AOX1: variants seen among roughly 807,000 people sequenced by gnomAD.
AOX1 encodes aldehyde oxidase.
AOX1 carries 153 observed loss-of-function variants against 169.5 expected under a neutral mutation model. The observed-to-expected ratio is 0.90, with a 90% CI of 0.79 to 1.03. AOX1 has a LOEUF of 1.03. AOX1 is among the 50% of genes least tolerant of loss of function. AOX1 has a pLI of 0.00. For missense variants in AOX1, 1,656 were observed against 1,663.9 expected (o/e 1.00, Z 0.08); for synonymous variants, 562 against 581.9 (o/e 0.97, Z 0.49).
intron 20 of AOX1, among the ~76,000 whole-genome samples, chr2:200,629,120 G>T (rs1420032315): frequency 6.6e-6 from 1 of 152,122 alleles, no homozygotes; most frequent in African/African-American, 2.4e-5. Context: ...CTCTATAGGT[G>T]CATTAAACTT....
Position 200,620,815 on chromosome 2 carries a change from A to G in AOX1, c.1870A>G (p.Ile624Val). 1 of 1,594,130 alleles carries G rather than the reference A, an allele frequency of 6.3e-7. No individual in the cohort carries two copies. The highest frequency in any genetic ancestry group is 8.5e-7 in the Non-Finnish European group (1 of 1,175,152). The change falls in exon 17 of 35, where the codon ATT becomes GTT. Residue 624 changes from isoleucine to valine, a missense_variant. By Grantham distance (29) the Ile-to-Val change is conservative. Transcript: ENST00000374700. ...FVTSSRAHAK[I>V]VSIDLSEALS... ...GACTAGTTCAAGAGCTCATGCTAAG[A>G]TTGTGTAAGTGGTAAAATTCTTACT...
At chr2:200,639,690 A>G (rs1358162262) in intron 23 of AOX1, among the ~76,000 whole-genome samples, 1 of 152,166 alleles carries the variant, frequency 6.6e-6, no homozygotes, top group Non-Finnish European at 1.5e-5. Flanking sequence ...AGAGATGAAT[A>G]TGAATTGGAA....
chr2:200,676,806 G>A, intron 4 of AOX1: 2 of 432,840 alleles, frequency 4.6e-6, no homozygotes, highest in South Asian at 3.5e-5. Flanking sequence ...GGAGCTGGTT[G>A]GAGGAACACA....
At chr2:200,657,190 A>ATATATATATATATATTTTTTTTTT in intron 27 of AOX1, among the ~76,000 whole-genome samples, 1 of 62,916 alleles carries the variant, frequency 1.6e-5, no homozygotes, top group Non-Finnish European at 2.6e-5. Flanking sequence ...ATATATATAT[A>ATATATATATATATATTTTTTTTTT]TTTTTTTTTT....
At chr2:200,587,826 G>A (rs966484194) in intron 1 of AOX1, among the ~76,000 whole-genome samples, 2 of 152,142 alleles carry the variant, frequency 1.3e-5, no homozygotes, top group South Asian at 2.1e-4. Flanking sequence ...AATTCTGATT[G>A]AGAAAACCTA....
Position 200,623,933 on chromosome 2 carries a change from C to A in AOX1, c.2074C>A (p.Arg692=), listed in dbSNP as rs151132832. ...SEVQAKRAAK[R]VKIVYQDLEP... is the part of the protein sequence containing the mutation. ...GGTTCAGGCAAAGCGAGCTGCTAAG[C>A]GAGTGAAGATTGTCTATCAAGACTT... is the stretch of plus-strand genomic sequence containing the variant. The change falls in exon 19 of 35, where the codon CGA becomes AGA. Residue 692 remains arginine (R), a synonymous_variant. Transcript: ENST00000374700. 2 of 1,614,068 alleles carry A rather than the reference C, an allele frequency of 1.2e-6. No homozygotes were observed. The highest frequency in any genetic ancestry group is 1.7e-6 in the Non-Finnish European group (2 of 1,179,990).
intron 1 of AOX1, among the ~76,000 whole-genome samples, chr2:200,590,129 C>T (rs2034138036): frequency 6.6e-6 from 1 of 152,126 alleles, no homozygotes; most frequent in South Asian, 2.1e-4. Context: ...CCTTCACATG[C>T]ACCTCTACCC....
chr2:200,659,598 G>A (rs1038059021), intron 28 of AOX1, among the ~76,000 whole-genome samples: 3 of 152,272 alleles, frequency 2.0e-5, no homozygotes, highest in Admixed American at 2.0e-4. Context: ...CCCCAGGGCC[G>A]ATGCAGGACT....
At chr2:200,601,682 A>G (rs1574911652) in intron 5 of AOX1, among the ~76,000 whole-genome samples, 1 of 152,206 alleles carries the variant, frequency 6.6e-6, no homozygotes, top group South Asian at 2.1e-4. Flanking sequence ...CTGTAATCCC[A>G]ACATTTAGGG....
chr2:200,592,005 T>C (rs1011730696), intron 1 of AOX1, among the ~76,000 whole-genome samples: 1 of 152,182 alleles, frequency 6.6e-6, no homozygotes, highest in Non-Finnish European at 1.5e-5. Flanking sequence ...TCAGGTTTTT[T>C]AGCTTAGGTG....
In AOX1 at chr2:200,586,148, C is replaced by G. The variant is rs1293916577; in HGVS notation, c.40C>G (p.Arg14Gly). 1 of 1,562,674 alleles carries G rather than the reference C, an allele frequency of 6.4e-7. No individual in the cohort carries two copies. Among genetic ancestry groups the G allele is most frequent in the Non-Finnish European group, 8.7e-7 (1 of 1,154,716 alleles). Residue 14 changes from arginine to glycine, a missense_variant, in exon 1 of 35, where the codon CGC becomes GGC. Physicochemically the swap from Arg to Gly is moderately radical, Grantham distance 125. Transcript: ENST00000374700. ...CGAGCTGCTCTTCTACGTGAACGGC[C>G]GCAAGGTGAGCGCCCGCGGGCTTCC... ...ASELLFYVNGRKVIEKNVDPE... is the reference protein window; with the variant it reads ...ASELLFYVNGGKVIEKNVDPE...
chr2:200,650,990 T>C lies in AOX1; in HGVS notation c.2864T>C (p.Met955Thr), dbSNP rs1181179532. 2 of 1,614,118 alleles carry C rather than the reference T, an allele frequency of 1.2e-6. No homozygotes were observed. Among genetic ancestry groups the C allele is most frequent in the Non-Finnish European group, 8.5e-7 (1 of 1,179,996 alleles). Residue 955 changes from methionine to threonine, a missense_variant, in exon 26 of 35, where the codon ATG becomes ACG. Met to Thr is a moderately conservative substitution (Grantham distance 81, BLOSUM62 -1). Transcript: ENST00000374700. ...CTTTCATAGGTGCGAATCATAAACA[T>C]GTACAAGGAAATTGATCAAACACCC... The part of the protein sequence containing the change: ...LSPEKVRIIN[M>T]YKEIDQTPYK...
downstream of AOX1, among the ~76,000 whole-genome samples, chr2:200,679,868 G>A (rs1298456204): frequency 6.6e-6 from 1 of 152,164 alleles, no homozygotes; most frequent in Non-Finnish European, 1.5e-5. Context: ...GATCGCTTGA[G>A]CCAAGGAGTT....
At chr2:200,647,133 T>TCTG (rs1374912704) in intron 25 of AOX1, among the ~76,000 whole-genome samples, 1 of 127,486 alleles carries the variant, frequency 7.8e-6, no homozygotes, top group Non-Finnish European at 1.6e-5. Flanking sequence ...TACTTTGTTT[T>TCTG]TTATTTTTTT....
intron 5 of AOX1, among the ~76,000 whole-genome samples, chr2:200,600,353 C>T (rs990858690): frequency 7.2e-5 from 11 of 152,114 alleles, no homozygotes; most frequent in African/African-American, 2.7e-4. Context: ...CAGAGGGCTG[C>T]GATGGTTACA....
intron 31 of AOX1, 147 bp from the exon 32 acceptor site, chr2:200,666,540 T>G: frequency 2.2e-6 from 1 of 464,034 alleles, no homozygotes; most frequent in South Asian, 5.4e-5. Flanking sequence ...CTTTGTCCTA[T>G]AATAAAATCT....
downstream of AOX1, among the ~76,000 whole-genome samples, chr2:200,673,507 A>G (rs138991029): frequency 1.6e-3 from 241 of 152,194 alleles, 1 homozygote; most frequent in African/African-American, 5.7e-3. Flanking sequence ...CTTTATTTCC[A>G]TAGCCTCTAT....
intron 31 of AOX1, among the ~76,000 whole-genome samples, chr2:200,665,235 A>G (rs2035903901): frequency 1.3e-5 from 2 of 152,212 alleles, no homozygotes; most frequent in South Asian, 4.1e-4. Flanking sequence ...CAGAGTGACT[A>G]CTGTCACCTC....
intron 30 of AOX1, 76 bp from the exon 31 acceptor site, chr2:200,662,779 C>A: frequency 1.7e-6 from 2 of 1,158,050 alleles, no homozygotes; most frequent in Middle Eastern, 1.9e-4. Flanking sequence ...TGCATAAATC[C>A]TCATGGGTCT....
Sources: allele counts gnomAD v4.1 joint callset (sites outside exome capture counted in the v4.1 genomes callset), GRCh38; gene constraint gnomAD v4.1.1; transcripts MANE v1.5; gene names NCBI Gene and HGNC (gene_info 2026-07-23, HGNC 2026-07-21).